The following WAC variants were observed in gnomAD, a reference collection of about 807,000 sequenced individuals.
WAC encodes WW domain containing adaptor with coiled-coil.
WAC carries 11 observed loss-of-function variants against 79.6 expected under a neutral mutation model. That is an observed-to-expected ratio of 0.14 (90% CI 0.09 to 0.23). WAC has a LOEUF of 0.23. Among genes scored for constraint, WAC ranks in the 10% least tolerant of loss-of-function variants. WAC has a pLI of 1.00. For synonymous variants in WAC, 304 were observed against 276.9 expected, an observed-to-expected ratio of 1.10 and a Z score of -0.97; for missense variants, 728 against 773.5, an observed-to-expected ratio of 0.94 and a Z score of 0.70.
intron 3 of WAC, among the ~76,000 whole-genome samples, chr10:28,549,393 C>G (rs1837541514): frequency 6.6e-6 from 1 of 152,152 alleles, no homozygotes; most frequent in South Asian, 2.1e-4. Flanking sequence ...GCCTACATAT[C>G]TCTTTGCTTA....
In WAC at chr10:28,579,014, C is replaced by G. The variant is rs75193789; in HGVS notation, c.275-4385C>G. 3.0e-3 allele frequency among the ~76,000 whole-genome samples: 453 copies of G among 152,260 alleles called. 15 individuals carry two copies. The East Asian group carries it at 0.073, about 25-fold the overall frequency. ...CCCTATATCTGTCCTGCTCTTCTCC[C>G]TAAACCAAGTCATTCCCAATAGCAT... On this transcript the variant is annotated intron_variant, in intron 3 of 13. Coordinates refer to ENST00000354911, the MANE Select transcript of WAC (RefSeq NM_016628.5).
chr10:28,565,636 G>A (rs980026396), intron 3 of WAC, among the ~76,000 whole-genome samples: 18 of 152,136 alleles, frequency 1.2e-4, no homozygotes, highest in African/African-American at 4.3e-4. Flanking sequence ...GTTTTTATCT[G>A]TTGTCTTCTC....
chr10:28,618,565 G>A (rs761954950), intron 13 of WAC, among the ~76,000 whole-genome samples: 8 of 152,130 alleles, frequency 5.3e-5, no homozygotes, highest in African/African-American at 9.7e-5. Flanking sequence ...TACATCATTC[G>A]ACTTTTGGGA....
In WAC at chr10:28,606,241, G is replaced by A. The variant is rs1158229106; in HGVS notation, c.920-1945G>A. ...AATTTTTTGTATTTTTAGTAGAGAC[G>A]GGGTTTTGCCGTGTTGCCCAGGCCG... is the stretch of plus-strand genomic sequence containing the variant. On this transcript the variant is annotated intron_variant, in intron 7 of 13. Coordinates refer to ENST00000354911, the MANE Select transcript of WAC (RefSeq NM_016628.5). Among the ~76,000 whole-genome samples, 9 of 152,232 alleles carry A rather than the reference G, an allele frequency of 5.9e-5. No homozygotes were observed. In the East Asian group the frequency reaches 7.7e-4, roughly 13 times the overall value.
intron 3 of WAC, among the ~76,000 whole-genome samples, chr10:28,555,885 C>T (rs774888568): frequency 6.6e-6 from 1 of 152,080 alleles, no homozygotes; most frequent in African/African-American, 2.4e-5. Flanking sequence ...TCCAGAACCA[C>T]GAACTAAATG....
chr10:28,620,404 C>CCCT lies in WAC; in HGVS notation c.*798_*799insCCT, dbSNP rs1470851383. ...GGACTTAAAAGTACTGCTGGACAGG[C>CCCT]ATGTGTGCTCAAAGTACATTGATTG... On this transcript the variant is annotated 3_prime_UTR_variant, in exon 14 of 14. Coordinates refer to ENST00000354911, the MANE Select transcript of WAC (RefSeq NM_016628.5). 10 of 152,620 alleles carry CCCT rather than the reference C, an allele frequency of 6.6e-5. No individual in the cohort carries two copies. The highest frequency in any genetic ancestry group is 2.1e-4 in the South Asian group (1 of 4,836). 9.5% of individuals were successfully genotyped at this position (152,620 alleles called of 1,614,324 possible).
At chr10:28,555,854 A>G (rs1183092640) in intron 3 of WAC, among the ~76,000 whole-genome samples, 1 of 152,178 alleles carries the variant, frequency 6.6e-6, no homozygotes, top group Non-Finnish European at 1.5e-5. Flanking sequence ...GACTGGCACC[A>G]TGCTGTACAA....
At chr10:28,576,936 G>C (rs1408664645) in intron 3 of WAC, among the ~76,000 whole-genome samples, 1 of 151,930 alleles carries the variant, frequency 6.6e-6, no homozygotes, top group Non-Finnish European at 1.5e-5. Flanking sequence ...TTTTACCTAA[G>C]TCTTGGAATC....
chr10:28,548,552 G>A (rs1837491129), intron 3 of WAC, among the ~76,000 whole-genome samples: 1 of 152,078 alleles, frequency 6.6e-6, no homozygotes, highest in African/African-American at 2.4e-5. Flanking sequence ...TTTGGGTGCT[G>A]TGCTTTTTTC....
intron 7 of WAC, among the ~76,000 whole-genome samples, chr10:28,607,595 A>AT (rs1841021927): frequency 6.6e-6 from 1 of 152,218 alleles, no homozygotes; most frequent in Non-Finnish European, 1.5e-5. Flanking sequence ...ATTGCCTTAT[A>AT]TATTGAATTA....
chr10:28,552,002 T>C (rs919852812), intron 3 of WAC, among the ~76,000 whole-genome samples: 3 of 152,056 alleles, frequency 2.0e-5, no homozygotes, highest in Non-Finnish European at 2.9e-5. Context: ...AATATTTGTA[T>C]TTTTAGTAGA....
At chr10:28,581,042 T>C (rs1293212823) in intron 3 of WAC, among the ~76,000 whole-genome samples, 1 of 152,056 alleles carries the variant, frequency 6.6e-6, no homozygotes, top group East Asian at 1.9e-4. Flanking sequence ...CAGCAACAAA[T>C]TGTGACACAC....
intron 1 of WAC, 83 bp from the exon 2 acceptor site, chr10:28,533,915 G>A: frequency 4.6e-6 from 7 of 1,531,326 alleles, no homozygotes; most frequent in Non-Finnish European, 6.3e-6. Context: ...GCGGGGAGGG[G>A]CGGCGGGGGC....
chr10:28,541,615 A>G (rs527304394), intron 3 of WAC, among the ~76,000 whole-genome samples: 1 of 151,802 alleles, frequency 6.6e-6, no homozygotes, highest in African/African-American at 2.4e-5. Context: ...ATAATTTTCA[A>G]AGGGTTTCTA....
intron 7 of WAC, among the ~76,000 whole-genome samples, chr10:28,605,202 A>G (rs1050696448): frequency 3.3e-5 from 5 of 152,112 alleles, no homozygotes; most frequent in East Asian, 1.9e-4. Context: ...TATTTTTTCA[A>G]TTTTGCTTTA....
At chr10:28,543,658 A>C (rs1475820051) in intron 3 of WAC, among the ~76,000 whole-genome samples, 1 of 152,236 alleles carries the variant, frequency 6.6e-6, no homozygotes, top group Non-Finnish European at 1.5e-5. Flanking sequence ...ATTGGAGTTA[A>C]TGGGTCCTTG....
At position 28,590,814 on chromosome 10, in the gene WAC, A is replaced by G. The variant is rs1332656409; in HGVS notation, c.592A>G (p.Ser198Gly). Residue 198 changes from serine to glycine, a missense_variant, in exon 6 of 14, where the codon AGT becomes GGT. Ser to Gly is a moderately conservative substitution (Grantham distance 56, BLOSUM62 0). Around this residue, in one of 3 missense-constraint regions of WAC, gnomAD observed 648 missense variants for 661.5 expected, o/e 0.98. Transcript: ENST00000354911. Reference protein sequence around the residue: ...RREVMQATATSGFASGMEDKH... With the variant: ...RREVMQATATGGFASGMEDKH... The stretch of plus-strand genomic sequence containing the variant: ...AGAGGTGATGCAAGCAACAGCCACT[A>G]GTGGGTTTGCCAGTGGAAGTAAGTA... 1.2e-6 allele frequency: 2 copies of G among 1,610,482 alleles called. No homozygotes were observed. The highest frequency in any genetic ancestry group is 1.7e-5 in the Admixed American group (1 of 59,344).
chr10:28,542,690 A>T (rs1564373847), intron 3 of WAC, among the ~76,000 whole-genome samples: 1 of 152,216 alleles, frequency 6.6e-6, no homozygotes, highest in Non-Finnish European at 1.5e-5. Flanking sequence ...CTCATAATTC[A>T]TGATGAACTA....
chr10:28,539,196 TTTC>T (rs1348340124), intron 3 of WAC, among the ~76,000 whole-genome samples: 3 of 152,190 alleles, frequency 2.0e-5, no homozygotes, highest in Admixed American at 6.5e-5. Context: ...AATTACTAGA[TTTC>T]TTAGCATCTT....
Sources: gnomAD v4.1 joint callset for allele counts (sites outside exome capture counted in the v4.1 genomes callset) on GRCh38, gnomAD v4.1.1 for gene constraint, gnomAD v4.1.1 regional missense constraint, MANE v1.5 for transcripts, NCBI Gene and HGNC (gene_info 2026-07-23, HGNC 2026-07-21) for gene names.